DYNC2I1: variants seen among roughly 807,000 people sequenced by gnomAD.
DYNC2I1 encodes dynein 2 intermediate chain 1, also known as cytoplasmic dynein 2 intermediate chain 1.
A neutral mutation model predicts 133.4 loss-of-function variants in DYNC2I1; 89 were observed. That is an observed-to-expected ratio of 0.67 (90% CI 0.56 to 0.80). The LOEUF (loss-of-function observed/expected upper bound fraction) is 0.80. DYNC2I1 is among the 30% of genes least tolerant of loss of function. The pLI is 0.00. For missense variants in DYNC2I1, 1,291 were observed against 1,314.5 expected (o/e 0.98, Z 0.28); for synonymous variants, 504 against 484.3 (o/e 1.04, Z -0.54).
intron 2 of DYNC2I1, among the ~76,000 whole-genome samples, chr7:158,870,787 AC>A: frequency 6.6e-6 from 1 of 152,256 alleles, no homozygotes; most frequent in Non-Finnish European, 1.5e-5. Context: ...TGCTCCTGAC[AC>A]CCGAATAGTA....
intron 1 of DYNC2I1, among the ~76,000 whole-genome samples, chr7:158,868,456 G>A (rs968014889): frequency 7.9e-5 from 12 of 152,228 alleles, no homozygotes; most frequent in Non-Finnish European, 1.8e-4. Context: ...ATTATCCAAC[G>A]AGGAACAAAC....
At chr7:158,902,699 G>A in intron 10 of DYNC2I1, 104 bp downstream of exon 10, 1 of 1,046,898 alleles carries the variant, frequency 9.6e-7, no homozygotes, top group Non-Finnish European at 1.4e-6. Context: ...AAGGTGGGTG[G>A]AGCAGTAACA....
rs746386561 is a variant in DYNC2I1 at position 158,884,576 on chromosome 7, A to G, written c.892A>G (p.Arg298Gly). 3 of 1,612,346 alleles carry G rather than the reference A, an allele frequency of 1.9e-6. No individual in the cohort carries two copies. Among genetic ancestry groups the G allele is most frequent in the Non-Finnish European group, 2.5e-6 (3 of 1,179,244 alleles). Residue 298 changes from arginine to glycine, a missense_variant, in exon 6 of 25, where the codon AGA becomes GGA. By Grantham distance (125) the Arg-to-Gly change is moderately radical (BLOSUM62 -2). Transcript: ENST00000407559. ...TTTTGTTTGATAGAATGGTGAACACAGAAATCGAGGTGCAAGCTCAAAAAG... is the reference window on the plus strand; with the variant it reads ...TTTTGTTTGATAGAATGGTGAACACGGAAATCGAGGTGCAAGCTCAAAAAG... ...RKRESQNGEH[R>G]NRGASSKRDG...
chr7:158,877,221 C>T (rs974835057), intron 4 of DYNC2I1, among the ~76,000 whole-genome samples: 5 of 148,896 alleles, frequency 3.4e-5, no homozygotes, highest in African/African-American at 5.0e-5. Flanking sequence ...TTGGTGCTCT[C>T]GAGGCACCTG....
intron 14 of DYNC2I1, among the ~76,000 whole-genome samples, chr7:158,915,826 T>C: frequency 1.4e-5 from 2 of 147,322 alleles, no homozygotes; most frequent in Non-Finnish European, 3.0e-5. Context: ...TTAAGGATGA[T>C]TGTGAAACGT....
intron 1 of DYNC2I1, 43 bp downstream of exon 1, chr7:158,856,793 G>A: frequency 1.6e-6 from 2 of 1,232,452 alleles, no homozygotes; most frequent in Non-Finnish European, 2.0e-6. Context: ...GTCGAGCTTC[G>A]CGGACTCCTT....
At chr7:158,921,866 G>A (rs939737167) in intron 15 of DYNC2I1, among the ~76,000 whole-genome samples, 4 of 152,230 alleles carry the variant, frequency 2.6e-5, no homozygotes, top group Non-Finnish European at 4.4e-5. Context: ...GAGAGCTGCC[G>A]GCACGGCCAG....
In DYNC2I1 at chr7:158,923,621, A is replaced by G. The variant is rs1849312072; in HGVS notation, c.2145A>G (p.Gly715=). 6.2e-7 allele frequency: 1 copy of G among 1,613,880 alleles called. No individual in the cohort carries two copies. The highest frequency in any genetic ancestry group is 8.5e-7 in the Non-Finnish European group (1 of 1,179,902). The part of the protein sequence containing the change: ...SPLKAFLLFA[G]TAHGSVVVWD... ...TGAAAGCATTTTTACTGTTTGCCGG[A>G]ACAGCGCACGGCTCAGTTGTCGTCT... The change falls in exon 17 of 25, where the codon GGA becomes GGG. Residue 715 remains glycine, a synonymous_variant. Transcript: ENST00000407559.
At chr7:158,893,778 C>T (rs921081220) in intron 8 of DYNC2I1, among the ~76,000 whole-genome samples, 6 of 149,714 alleles carry the variant, frequency 4.0e-5, no homozygotes, top group African/African-American at 1.5e-4. Flanking sequence ...TACTGCATAT[C>T]GTACCACATA....
At position 158,927,002 on chromosome 7, in the gene DYNC2I1, A is replaced by G; in HGVS notation, c.2444A>G (p.Glu815Gly). 1 of 1,603,702 alleles carries G rather than the reference A, an allele frequency of 6.2e-7. No individual in the cohort carries two copies. The highest frequency in any genetic ancestry group is 8.5e-7 in the Non-Finnish European group (1 of 1,174,376). The change falls in exon 20 of 25, where the codon GAA (glutamate) becomes GGA (glycine). Residue 815 changes from glutamate (E) to glycine (G), a missense_variant. Transcript: ENST00000407559. ...ATATTCTGTTTTTAGGTGGTTGTTG[A>G]ATTACCAAAGGCAGACATCGCAGGT... ...SGVLNVWVVV[E>G]LPKADIAGSI...
chr7:158,930,771 C>A (rs919965063), intron 21 of DYNC2I1, among the ~76,000 whole-genome samples: 1 of 152,056 alleles, frequency 6.6e-6, no homozygotes, highest in African/African-American at 2.4e-5. Flanking sequence ...CTGGTTCAAG[C>A]GATTCTCCTG....
chr7:158,861,129 G>C (rs562373199), intron 1 of DYNC2I1, among the ~76,000 whole-genome samples: 2 of 152,312 alleles, frequency 1.3e-5, no homozygotes, highest in African/African-American at 4.8e-5. Flanking sequence ...CCAACACCTG[G>C]GGATAGGTCC....
intron 3 of DYNC2I1, among the ~76,000 whole-genome samples, chr7:158,875,921 G>C (rs1843316205): frequency 6.6e-6 from 1 of 152,196 alleles, no homozygotes; most frequent in African/African-American, 2.4e-5. Flanking sequence ...TTGGTCTGGT[G>C]CCCTCTTGAA....
At chr7:158,902,794 C>G in intron 10 of DYNC2I1, 199 bp downstream of exon 10, 1 of 574,624 alleles carries the variant, frequency 1.7e-6, no homozygotes. Flanking sequence ...ATCCAGAATT[C>G]TCTTACACAG....
intron 1 of DYNC2I1, among the ~76,000 whole-genome samples, chr7:158,857,067 C>T (rs553857898): frequency 6.6e-6 from 1 of 152,060 alleles, no homozygotes; most frequent in African/African-American, 2.4e-5. Flanking sequence ...GCTGCGGGGC[C>T]GGGGTGGCTG....
chr7:158,916,685 G>C (rs371869942), intron 14 of DYNC2I1, among the ~76,000 whole-genome samples: 5 of 67,680 alleles, frequency 7.4e-5, no homozygotes, highest in South Asian at 4.3e-4. Context: ...CGGTGGTTGA[G>C]ATTAAGGATG....
chr7:158,862,552 T>TAAA (rs71200073), intron 1 of DYNC2I1, among the ~76,000 whole-genome samples: 6,128 of 105,644 alleles, frequency 0.058, 216 homozygotes, highest in African/African-American at 0.098. Flanking sequence ...CCCTATCTCT[T>TAAA]AAAAAAAAAA....
intron 20 of DYNC2I1, among the ~76,000 whole-genome samples, chr7:158,930,185 T>G (rs1850079988): frequency 1.3e-5 from 2 of 152,162 alleles, no homozygotes; most frequent in African/African-American, 4.8e-5. Context: ...CCTTATTTTA[T>G]CAGATCTAAT....
intron 5 of DYNC2I1, among the ~76,000 whole-genome samples, chr7:158,882,595 A>C (rs145794415): frequency 1.3e-5 from 2 of 152,212 alleles, no homozygotes; most frequent in Admixed American, 6.5e-5. Context: ...AAAAGAGACC[A>C]GGCATGGTGG....
Sources: gnomAD v4.1 joint callset for allele counts (sites outside exome capture counted in the v4.1 genomes callset) on GRCh38, gnomAD v4.1.1 for gene constraint, MANE v1.5 for transcripts, NCBI Gene and HGNC (gene_info 2026-07-23, HGNC 2026-07-21) for gene names.